Variants in STXBP5L observed in about 807,000 individuals in gnomAD.
The protein encoded by STXBP5L is syntaxin-binding protein 5-like.
In STXBP5L, 65 loss-of-function variants were observed where a neutral mutation model predicts 144.5. The ratio of observed to expected loss-of-function variants is 0.45; its 90% CI spans 0.37 to 0.55. The LOEUF (loss-of-function observed/expected upper bound fraction) is 0.55, where lower values mean the gene tolerates loss of function less well. Among genes scored for constraint, STXBP5L ranks in the 20% least tolerant of loss-of-function variants. The pLI is 0.00. For missense variants in STXBP5L, 1,298 were observed against 1,405.5 expected (o/e 0.92, Z 1.22); for synonymous variants, 505 against 469.6 (o/e 1.08, Z -0.97).
At chr3:121,402,920 A>C (rs948226917) in intron 22 of STXBP5L, among the ~76,000 whole-genome samples, 4 of 151,970 alleles carry the variant, frequency 2.6e-5, no homozygotes, top group Non-Finnish European at 5.9e-5. Context: ...GCCCTGAACT[A>C]CTAGACTCAA....
intron 3 of STXBP5L, among the ~76,000 whole-genome samples, chr3:121,010,705 A>G (rs1405774102): frequency 6.6e-6 from 1 of 151,954 alleles, no homozygotes; most frequent in Non-Finnish European, 1.5e-5. Flanking sequence ...TATCTCATAC[A>G]TTAAATGTGT....
intron 17 of STXBP5L, 77 bp from the exon 18 acceptor site, chr3:121,258,966 T>G (rs981879364): frequency 5.8e-6 from 8 of 1,379,994 alleles, no homozygotes; most frequent in Non-Finnish European, 7.7e-6. Flanking sequence ...TGTAGCATGA[T>G]TCTATGTAAA....
At chr3:121,289,691 A>T (rs1193740227) in intron 19 of STXBP5L, among the ~76,000 whole-genome samples, 1 of 152,218 alleles carries the variant, frequency 6.6e-6, no homozygotes, top group Non-Finnish European at 1.5e-5. Context: ...AGTCAAAATT[A>T]TATCAAGTAC....
At chr3:120,959,700 A>C (rs925255823) in intron 3 of STXBP5L, among the ~76,000 whole-genome samples, 1 of 152,244 alleles carries the variant, frequency 6.6e-6, no homozygotes, top group Non-Finnish European at 1.5e-5. Flanking sequence ...CTGGCTAGCC[A>C]TATGTAGAAA....
intron 5 of STXBP5L, among the ~76,000 whole-genome samples, chr3:121,052,219 T>G (rs1445768523): frequency 1.3e-5 from 2 of 152,192 alleles, no homozygotes; most frequent in Non-Finnish European, 2.9e-5. Context: ...GAATCCTCCC[T>G]AACTCATTTT....
intron 2 of STXBP5L, among the ~76,000 whole-genome samples, chr3:120,937,860 C>T (rs528801552): frequency 1.3e-5 from 2 of 152,190 alleles, no homozygotes; most frequent in African/African-American, 4.8e-5. Flanking sequence ...TTCTGAGTTA[C>T]TTCGTAGACT....
chr3:120,929,548 A>ATT (rs1363153889), intron 2 of STXBP5L, among the ~76,000 whole-genome samples: 1 of 152,054 alleles, frequency 6.6e-6, no homozygotes, highest in Non-Finnish European at 1.5e-5. Context: ...TGGAAATTTA[A>ATT]TTTTCATTCA....
At chr3:121,114,283 AAATACAGTG>A (rs1383662114) in intron 5 of STXBP5L, among the ~76,000 whole-genome samples, 3 of 152,158 alleles carry the variant, frequency 2.0e-5, no homozygotes, top group Non-Finnish European at 4.4e-5. Context: ...ATGAAGGGAA[AAATACAGTG>A]AAGCTCTGAC....
At chr3:121,220,482 G>A (rs2048941082) in intron 10 of STXBP5L, among the ~76,000 whole-genome samples, 1 of 151,982 alleles carries the variant, frequency 6.6e-6, no homozygotes, top group East Asian at 1.9e-4. Flanking sequence ...AAACAACTGT[G>A]TTCCTTTAAT....
chr3:121,172,160 C>T (rs2046747091), intron 9 of STXBP5L, among the ~76,000 whole-genome samples: 1 of 152,132 alleles, frequency 6.6e-6, no homozygotes, highest in South Asian at 2.1e-4. Context: ...TGGACCCCTT[C>T]CTTAGACATT....
intron 2 of STXBP5L, among the ~76,000 whole-genome samples, chr3:120,934,692 T>G (rs769603903): frequency 1.3e-5 from 2 of 152,098 alleles, no homozygotes; most frequent in Non-Finnish European, 2.9e-5. Context: ...CACATAGACA[T>G]TAAGGATTCT....
intron 3 of STXBP5L, among the ~76,000 whole-genome samples, chr3:120,963,489 T>G (rs1478570955): frequency 2.0e-5 from 3 of 152,194 alleles, no homozygotes; most frequent in African/African-American, 7.2e-5. Flanking sequence ...GAAAGGGTGT[T>G]GAGTTTTGTC....
At chr3:120,967,063 C>G (rs1231341205) in intron 3 of STXBP5L, among the ~76,000 whole-genome samples, 2 of 152,016 alleles carry the variant, frequency 1.3e-5, no homozygotes, top group Non-Finnish European at 2.9e-5. Context: ...GACTGCTGTG[C>G]TAGCAGTGAG....
intron 22 of STXBP5L, among the ~76,000 whole-genome samples, chr3:121,404,480 T>C (rs1371605677): frequency 1.3e-5 from 2 of 152,086 alleles, no homozygotes; most frequent in East Asian, 3.8e-4. Context: ...GAAAGTTAGA[T>C]TACATCACTT....
intron 3 of STXBP5L, among the ~76,000 whole-genome samples, chr3:121,014,493 C>T (rs1318584747): frequency 6.6e-6 from 1 of 151,916 alleles, no homozygotes; most frequent in Non-Finnish European, 1.5e-5. Context: ...ATCAGTAGTT[C>T]ATGACTTATT....
At chr3:120,983,795 C>T (rs966153483) in intron 3 of STXBP5L, among the ~76,000 whole-genome samples, 1 of 152,158 alleles carries the variant, frequency 6.6e-6, no homozygotes, top group Non-Finnish European at 1.5e-5. Context: ...TTCTTATTTG[C>T]TTTCTGTGAT....
intron 21 of STXBP5L, among the ~76,000 whole-genome samples, chr3:121,380,921 T>C (rs1164137087): frequency 6.6e-6 from 1 of 152,064 alleles, no homozygotes; most frequent in Non-Finnish European, 1.5e-5. Flanking sequence ...AATTCAGAGG[T>C]AGGAGGGAAG....
chr3:121,016,737 G>A (rs1576670772), intron 3 of STXBP5L, among the ~76,000 whole-genome samples: 3 of 152,122 alleles, frequency 2.0e-5, no homozygotes, highest in African/African-American at 7.2e-5. Context: ...CTCACATGAG[G>A]ACAGATAGAT....
At chr3:121,052,320 G>T (rs1458334602) in intron 5 of STXBP5L, among the ~76,000 whole-genome samples, 1 of 152,098 alleles carries the variant, frequency 6.6e-6, no homozygotes, top group East Asian at 1.9e-4. Context: ...CAATATCCCT[G>T]ATGAACATCG....
Sources: allele counts gnomAD v4.1 joint callset (sites outside exome capture counted in the v4.1 genomes callset), GRCh38; gene constraint gnomAD v4.1.1; transcripts MANE v1.5; gene names NCBI Gene and HGNC (gene_info 2026-07-23, HGNC 2026-07-21).